The following TLCD4 variants were observed in gnomAD, a reference collection of about 807,000 sequenced individuals.
TLCD4 encodes the protein TLC domain containing 4.
A neutral mutation model predicts 24.2 loss-of-function variants in TLCD4; 7 were observed. That is an observed-to-expected ratio of 0.29 (90% CI 0.16 to 0.54). The LOEUF (loss-of-function observed/expected upper bound fraction) is 0.54, where lower values mean the gene tolerates loss of function less well. Ranked by LOEUF, TLCD4 falls within the 20% of genes least tolerant of loss-of-function variation. TLCD4 has a pLI of 0.95. For synonymous variants in TLCD4, 103 were observed against 106.4 expected (o/e 0.97, Z 0.20); for missense variants, 259 against 313.9 (o/e 0.82, Z 1.32).
At chr1:95,102,936 T>C in the TLCD4 span, among the ~76,000 whole-genome samples, 1 of 152,088 alleles carries the variant, frequency 6.6e-6, no homozygotes, top group African/African-American at 2.4e-5. Flanking sequence ...AGAACTTCCT[T>C]TAGCAAGAGT....
At chr1:95,132,933 T>C (rs964710276) in intron 1 of TLCD4, among the ~76,000 whole-genome samples, 2 of 152,126 alleles carry the variant, frequency 1.3e-5, no homozygotes, top group Admixed American at 6.5e-5. Flanking sequence ...ATTGTTAACC[T>C]TAGCAACAGC....
At chr1:95,146,327 T>A (rs963254922) in intron 2 of TLCD4, among the ~76,000 whole-genome samples, 4 of 152,216 alleles carry the variant, frequency 2.6e-5, no homozygotes, top group African/African-American at 9.6e-5. Flanking sequence ...ATTACTTATA[T>A]TCACTTTCTT....
chr1:95,153,074 CT>C (rs892844639), intron 5 of TLCD4, among the ~76,000 whole-genome samples: 9 of 147,990 alleles, frequency 6.1e-5, no homozygotes, highest in Admixed American at 6.8e-5. Context: ...TATTTATTTT[CT>C]TTTTTTTTTG....
chr1:95,113,106 G>A (rs1158401315), upstream of TLCD4, among the ~76,000 whole-genome samples: 4 of 150,336 alleles, frequency 2.7e-5, no homozygotes, highest in Admixed American at 2.7e-4. Context: ...GCAGTGGCGC[G>A]ATCTCGGCTC....
chr1:95,148,797 C>G lies in TLCD4; in HGVS notation c.245+6C>G. On this transcript the variant is annotated splice_donor_region_variant and intron_variant, in intron 3 of 6. Transcript: ENST00000370203. ...ACTAAAGCTGATCCACTTTGGTAAG[C>G]TGTTTCTTTTTCTAAGATTGCCAAT... 6.2e-7 allele frequency: 1 copy of G among 1,608,840 alleles called. No individual in the cohort carries two copies. Among genetic ancestry groups the G allele is most frequent in the Non-Finnish European group, 8.5e-7 (1 of 1,178,576 alleles).
At chr1:95,111,688 G>A in the TLCD4 span, among the ~76,000 whole-genome samples, 1 of 152,206 alleles carries the variant, frequency 6.6e-6, no homozygotes, top group Admixed American at 6.5e-5. Flanking sequence ...ACTTGATGGT[G>A]CAGTGGACTG....
At chr1:95,154,426 G>A (rs1315915419) in intron 5 of TLCD4, among the ~76,000 whole-genome samples, 1 of 152,134 alleles carries the variant, frequency 6.6e-6, no homozygotes, top group African/African-American at 2.4e-5. Flanking sequence ...GCCCTTAGCA[G>A]TGTGTCCCTG....
the TLCD4 span, among the ~76,000 whole-genome samples, chr1:95,107,408 G>A: frequency 9.9e-5 from 15 of 152,164 alleles, no homozygotes; most frequent in African/African-American, 3.6e-4. Context: ...GGGCGACAGA[G>A]CAAGACTCTG....
chr1:95,190,569 C>T (rs1678992102), intron 6 of TLCD4, among the ~76,000 whole-genome samples: 1 of 152,008 alleles, frequency 6.6e-6, no homozygotes, highest in Non-Finnish European at 1.5e-5. Flanking sequence ...CCTGATGATC[C>T]ACGCTCCTCA....
chr1:95,130,929 G>A (rs1223848783), intron 1 of TLCD4, among the ~76,000 whole-genome samples: 1 of 152,168 alleles, frequency 6.6e-6, no homozygotes, highest in Non-Finnish European at 1.5e-5. Context: ...CTTTCATGCG[G>A]TAATACTATG....
intron 6 of TLCD4, among the ~76,000 whole-genome samples, chr1:95,179,873 C>G (rs1678570744): frequency 6.6e-6 from 1 of 152,186 alleles, no homozygotes; most frequent in Admixed American, 6.5e-5. Context: ...TAGAACTCAA[C>G]CCAGGGATAA....
upstream of TLCD4, among the ~76,000 whole-genome samples, chr1:95,113,876 A>G (rs1286658400): frequency 6.6e-6 from 1 of 151,958 alleles, no homozygotes; most frequent in Non-Finnish European, 1.5e-5. Flanking sequence ...TGGGAGTTAG[A>G]GGCTGTCATG....
the TLCD4 span, among the ~76,000 whole-genome samples, chr1:95,101,410 A>AGTGTGTGTGTGTGTGT: frequency 1.4e-5 from 2 of 142,630 alleles, no homozygotes; most frequent in South Asian, 2.4e-4. Flanking sequence ...GACTAATTAA[A>AGTGTGTGTGTGTGTGT]GTGTGTGTGT....
chr1:95,108,016 T>C, the TLCD4 span, among the ~76,000 whole-genome samples: 3 of 152,292 alleles, frequency 2.0e-5, no homozygotes, highest in South Asian at 6.2e-4. Flanking sequence ...AATTTGCATA[T>C]AGTTTTACAA....
At chr1:95,174,153 G>C (rs1363298453) in intron 6 of TLCD4, 1 of 471,572 alleles carries the variant, frequency 2.1e-6, no homozygotes, top group African/African-American at 2.0e-5. Flanking sequence ...CCTGCTTCCA[G>C]CTCATTCTTT....
intron 6 of TLCD4, among the ~76,000 whole-genome samples, chr1:95,184,263 T>G (rs1333158113): frequency 2.0e-5 from 3 of 152,080 alleles, no homozygotes; most frequent in Non-Finnish European, 4.4e-5. Flanking sequence ...TTCCTAAGGC[T>G]CTCTCAAACT....
intron 6 of TLCD4, among the ~76,000 whole-genome samples, chr1:95,187,849 C>T (rs1245131608): frequency 6.6e-6 from 1 of 151,836 alleles, no homozygotes; most frequent in Non-Finnish European, 1.5e-5. Context: ...ACCAAGGTGC[C>T]TGCAGGGTTG....
rs1679065108 is a variant in TLCD4, at chr1:95,192,669, A to G, written c.*801A>G. 1 of 152,190 alleles carries G rather than the reference A, an allele frequency of 6.6e-6. No individual in the cohort carries two copies. Among genetic ancestry groups the G allele is most frequent in the Non-Finnish European group, 1.5e-5 (1 of 68,020 alleles). The allele number at this position is 152,190 out of a possible 1,614,324, so 9.4% of individuals were successfully genotyped here. A position where few individuals can be genotyped will look rare whatever the true frequency, so the allele number is the denominator to read the frequency against. On this transcript the variant is annotated 3_prime_UTR_variant, in exon 7 of 7. Transcript: ENST00000370203. The stretch of plus-strand genomic sequence containing the variant: ...GTTGGCATGTTCTTTTTCTCAGGCT[A>G]TTCAGAAGTAACAACATTTTTCATT...
At chr1:95,190,096 C>CTT (rs71097254) in intron 6 of TLCD4, among the ~76,000 whole-genome samples, 1 of 135,172 alleles carries the variant, frequency 7.4e-6, no homozygotes, top group Non-Finnish European at 1.7e-5. Flanking sequence ...TTTGCACTTT[C>CTT]TTTTTTTTTT....
Sources: allele counts gnomAD v4.1 joint callset (sites outside exome capture counted in the v4.1 genomes callset), GRCh38; gene constraint gnomAD v4.1.1; transcripts MANE v1.5; gene names NCBI Gene and HGNC (gene_info 2026-07-23, HGNC 2026-07-21).